ZNF407: variants seen among roughly 807,000 people sequenced by gnomAD.
ZNF407 encodes zinc finger protein 407.
In ZNF407, 17 loss-of-function variants were observed where a neutral mutation model predicts 131.2. That is an observed-to-expected ratio of 0.13 (90% CI 0.09 to 0.19). The LOEUF (loss-of-function observed/expected upper bound fraction) is 0.19. ZNF407 is among the 10% of genes least tolerant of loss of function. ZNF407 has a pLI of 1.00. For synonymous variants in ZNF407, 1,156 were observed against 1,062.0 expected (o/e 1.09, Z -1.72); for missense variants, 2,681 against 2,830.6 (o/e 0.95, Z 1.20).
At chr18:74,616,481 C>G (rs1210912329) in intron 1 of ZNF407, among the ~76,000 whole-genome samples, 4 of 152,036 alleles carry the variant, frequency 2.6e-5, no homozygotes, top group Non-Finnish European at 5.9e-5. Context: ...CTGACAGTTT[C>G]TAGAGATGTT....
intron 8 of ZNF407, among the ~76,000 whole-genome samples, chr18:74,986,940 G>T (rs768538595): frequency 6.6e-6 from 1 of 151,990 alleles, no homozygotes; most frequent in Non-Finnish European, 1.5e-5. Context: ...ACATGTTAAT[G>T]TATGTTCATA....
At chr18:74,610,878 C>T (rs1983030654) in intron 1 of ZNF407, among the ~76,000 whole-genome samples, 1 of 152,182 alleles carries the variant, frequency 6.6e-6, no homozygotes, top group Admixed American at 6.5e-5. Flanking sequence ...TTTAAGGTTT[C>T]TTCCTGGGGT....
intron 4 of ZNF407, among the ~76,000 whole-genome samples, chr18:74,874,012 C>T (rs184727751): frequency 4.6e-5 from 7 of 152,288 alleles, no homozygotes; most frequent in Admixed American, 2.0e-4. Context: ...AGAGAAACAT[C>T]TAGTGAAGCC....
chr18:74,767,820 ATTTTTTTTT>A (rs10692267), intron 3 of ZNF407, among the ~76,000 whole-genome samples: 2 of 114,102 alleles, frequency 1.8e-5, no homozygotes, highest in African/African-American at 6.8e-5. Flanking sequence ...CGCCTGGCTA[ATTTTTTTTT>A]TTTTTTTTTT....
chr18:74,994,683 C>A (rs543066068), intron 8 of ZNF407, among the ~76,000 whole-genome samples: 1 of 152,242 alleles, frequency 6.6e-6, no homozygotes, highest in Admixed American at 6.5e-5. Context: ...GTGCAGTTCA[C>A]TTTGGACACG....
intron 8 of ZNF407, among the ~76,000 whole-genome samples, chr18:74,972,789 GGT>G (rs1972487021): frequency 6.6e-6 from 1 of 151,850 alleles, no homozygotes; most frequent in African/African-American, 2.4e-5. Flanking sequence ...ATGTTAGTAT[GGT>G]ATATCTCATT....
At chr18:74,721,859 C>T (rs1478433381) in intron 3 of ZNF407, among the ~76,000 whole-genome samples, 1 of 151,978 alleles carries the variant, frequency 6.6e-6, no homozygotes, top group Non-Finnish European at 1.5e-5. Flanking sequence ...TCTTTACTTC[C>T]CCTTTATTAT....
At chr18:74,652,139 G>T (rs1330347831) in intron 3 of ZNF407, among the ~76,000 whole-genome samples, 1 of 151,990 alleles carries the variant, frequency 6.6e-6, no homozygotes, top group Non-Finnish European at 1.5e-5. Flanking sequence ...TTTTAAAGAG[G>T]CTTTTGAAAA....
intron 8 of ZNF407, among the ~76,000 whole-genome samples, chr18:75,014,492 G>C (rs1973019905): frequency 6.6e-6 from 1 of 151,916 alleles, no homozygotes; most frequent in African/African-American, 2.4e-5. Flanking sequence ...CTCTGAGTTT[G>C]CTTTTGATAA....
intron 8 of ZNF407, among the ~76,000 whole-genome samples, chr18:75,024,434 A>T (rs1198658981): frequency 6.6e-6 from 1 of 152,244 alleles, no homozygotes; most frequent in African/African-American, 2.4e-5. Flanking sequence ...AGACAGGGAA[A>T]TAATGTGGTG....
At chr18:74,767,304 A>G (rs1051189916) in intron 3 of ZNF407, among the ~76,000 whole-genome samples, 2 of 152,196 alleles carry the variant, frequency 1.3e-5, no homozygotes, top group Non-Finnish European at 2.9e-5. Flanking sequence ...AAGTAATTCA[A>G]CCGTAATTCT....
intron 3 of ZNF407, among the ~76,000 whole-genome samples, chr18:74,718,127 A>G (rs1038286078): frequency 4.6e-5 from 7 of 152,154 alleles, no homozygotes; most frequent in East Asian, 1.9e-4. Context: ...TGACAATTCT[A>G]TACACCTCTG....
At chr18:74,999,682 T>G (rs1439791955) in intron 8 of ZNF407, among the ~76,000 whole-genome samples, 7 of 152,230 alleles carry the variant, frequency 4.6e-5, no homozygotes, top group Admixed American at 4.6e-4. Context: ...TATACTTTGA[T>G]GCCCACAAAA....
At chr18:74,823,910 T>A (rs1970375238) in intron 4 of ZNF407, among the ~76,000 whole-genome samples, 1 of 152,210 alleles carries the variant, frequency 6.6e-6, no homozygotes, top group Non-Finnish European at 1.5e-5. Flanking sequence ...AGAATATACA[T>A]TCTTCTCAGC....
chr18:74,790,810 G>A (rs1214272279), intron 4 of ZNF407, among the ~76,000 whole-genome samples: 2 of 152,154 alleles, frequency 1.3e-5, no homozygotes, highest in African/African-American at 2.4e-5. Context: ...AATTTTTTGT[G>A]AGGAATTTTC....
In ZNF407 at chr18:74,756,512, A is replaced by G. The variant is rs550660458; in HGVS notation, c.4803-24916A>G. On this transcript the variant is annotated intron_variant, in intron 3 of 8. Transcript: ENST00000299687. ...TTGTAGTGAAGTTTTAAAGTTTTCA[A>G]TGTATGTCTTCCACTTCTATTGGTA... 2.0e-5 allele frequency among the ~76,000 whole-genome samples: 3 copies of G among 152,274 alleles called. No homozygotes were observed. The East Asian group carries it at 5.8e-4, about 29-fold the overall frequency.
At chr18:74,978,468 G>C (rs1465029383) in intron 8 of ZNF407, among the ~76,000 whole-genome samples, 2 of 152,098 alleles carry the variant, frequency 1.3e-5, no homozygotes, top group African/African-American at 4.8e-5. Flanking sequence ...CATTCATTAA[G>C]AGGTGATGGA....
rs1984116568 is a variant in ZNF407 at position 74,631,950 on chromosome 18, A to G, written c.931A>G (p.Ile311Val). ...VHSKPRTSKS[I>V]AKNSDSKGLR... is the part of the protein sequence containing the mutation. ...CTCAAAACCAAGAACTTCTAAATCA[A>G]TAGCAAAGAATAGTGATTCAAAAGG... The change falls in exon 2 of 9, where the codon ATA becomes GTA. Residue 311 changes from isoleucine to valine, a missense_variant. By Grantham distance (29) the Ile-to-Val change is conservative. Around this residue, in one of 6 missense-constraint regions of ZNF407, gnomAD observed 1,789 missense variants for 1,748.7 expected, o/e 1.02. Transcript: ENST00000299687. The G allele has an allele frequency of 6.2e-7, 1 of 1,614,006 alleles. No homozygotes were observed. The highest frequency in any genetic ancestry group is 2.2e-5 in the East Asian group (1 of 44,892).
chr18:74,716,781 T>A (rs905392940), intron 3 of ZNF407, among the ~76,000 whole-genome samples: 5 of 152,240 alleles, frequency 3.3e-5, no homozygotes, highest in Non-Finnish European at 7.3e-5. Context: ...CGGTAATGTT[T>A]GTTTGTAGTT....
Sources: allele counts gnomAD v4.1 joint callset (sites outside exome capture counted in the v4.1 genomes callset), GRCh38; gene constraint gnomAD v4.1.1; regional missense constraint gnomAD v4.1.1; transcripts MANE v1.5; gene names NCBI Gene and HGNC (gene_info 2026-07-23, HGNC 2026-07-21).